The following KHDRBS2 variants were observed in gnomAD, a reference collection of about 807,000 sequenced individuals.
KHDRBS2 encodes KH RNA binding domain containing, signal transduction associated 2, also known as KH domain-containing, RNA-binding, signal transduction-associated protein 2.
A neutral mutation model predicts 44.3 loss-of-function variants in KHDRBS2; 26 were observed. That is an observed-to-expected ratio of 0.59 (90% CI 0.43 to 0.81). The LOEUF is 0.81. Among genes scored for constraint, KHDRBS2 ranks in the 40% least tolerant of loss-of-function variants. The probability of loss-of-function intolerance (pLI) is 0.00; values close to 1 mark genes in which losing one functional copy is unlikely to be tolerated. For synonymous variants in KHDRBS2, 194 were observed against 151.1 expected (o/e 1.28, Z -2.08); for missense variants, 476 against 433.1 (o/e 1.10, Z -0.88).
chr6:62,143,996 C>G (rs1813407513), intron 2 of KHDRBS2, among the ~76,000 whole-genome samples: 1 of 151,916 alleles, frequency 6.6e-6, no homozygotes, highest in South Asian at 2.1e-4. Flanking sequence ...TAAGCCCACT[C>G]TCTATCTCAT....
At chr6:62,230,738 A>C (rs564033393) in intron 1 of KHDRBS2, among the ~76,000 whole-genome samples, 3 of 152,222 alleles carry the variant, frequency 2.0e-5, no homozygotes, top group African/African-American at 7.2e-5. Context: ...TTCACAGGGC[A>C]ATTAAAAATC....
intron 6 of KHDRBS2, among the ~76,000 whole-genome samples, chr6:61,858,371 C>A (rs976898719): frequency 8.6e-5 from 13 of 151,434 alleles, no homozygotes; most frequent in African/African-American, 3.2e-4. Flanking sequence ...TCTGTTTTTA[C>A]CAAGTAAGCA....
intron 7 of KHDRBS2, among the ~76,000 whole-genome samples, chr6:61,708,199 T>C (rs987058346): frequency 6.6e-6 from 1 of 151,628 alleles, no homozygotes; most frequent in African/African-American, 2.4e-5. Context: ...TACATTCACA[T>C]TGTTATGAAA....
chr6:62,004,847 G>A (rs1483556829), intron 3 of KHDRBS2, among the ~76,000 whole-genome samples: 1 of 151,958 alleles, frequency 6.6e-6, no homozygotes, highest in East Asian at 1.9e-4. Context: ...TGGGATTAAA[G>A]GCTGGTTCAA....
At chr6:62,065,245 A>G (rs1793293702) in intron 2 of KHDRBS2, among the ~76,000 whole-genome samples, 3 of 152,206 alleles carry the variant, frequency 2.0e-5, no homozygotes, top group Non-Finnish European at 4.4e-5. Context: ...GGGATCTAGA[A>G]CTACAAATAC....
At chr6:61,841,380 T>G (rs1793578470) in intron 6 of KHDRBS2, among the ~76,000 whole-genome samples, 2 of 151,832 alleles carry the variant, frequency 1.3e-5, no homozygotes, top group African/African-American at 4.9e-5. Context: ...CATAAAATAA[T>G]TCAACTTGAA....
intron 1 of KHDRBS2, among the ~76,000 whole-genome samples, chr6:62,273,275 C>G (rs1382984310): frequency 6.6e-6 from 1 of 152,270 alleles, no homozygotes; most frequent in African/African-American, 2.4e-5. Flanking sequence ...AGTCAAAGTT[C>G]TTCAGTGAGT....
At chr6:61,801,053 C>A (rs1374196209) in intron 6 of KHDRBS2, among the ~76,000 whole-genome samples, 1 of 152,140 alleles carries the variant, frequency 6.6e-6, no homozygotes, top group Non-Finnish European at 1.5e-5. Flanking sequence ...ATAACAGGAG[C>A]AATAACAACA....
At chr6:62,137,851 A>C (rs144791682) in intron 2 of KHDRBS2, among the ~76,000 whole-genome samples, 95 of 152,314 alleles carry the variant, frequency 6.2e-4, no homozygotes, top group African/African-American at 2.2e-3. Flanking sequence ...ATCCCAGTTC[A>C]TATTCTGGTG....
chr6:61,555,601 G>C, the KHDRBS2 span, among the ~76,000 whole-genome samples: 2 of 152,220 alleles, frequency 1.3e-5, no homozygotes, highest in Non-Finnish European at 2.9e-5. Context: ...TGAGTTGCCA[G>C]AGTTCTTGCA....
the KHDRBS2 span, among the ~76,000 whole-genome samples, chr6:61,600,741 C>G: frequency 2.6e-5 from 4 of 152,138 alleles, no homozygotes; most frequent in African/African-American, 9.7e-5. Context: ...GGTCCTTAGA[C>G]TAACCAGCCC....
At chr6:61,591,995 C>G in the KHDRBS2 span, among the ~76,000 whole-genome samples, 3 of 151,786 alleles carry the variant, frequency 2.0e-5, no homozygotes, top group African/African-American at 7.3e-5. Context: ...TCAAGAACAG[C>G]CTGGGTAACA....
intron 2 of KHDRBS2, among the ~76,000 whole-genome samples, chr6:62,094,052 G>A (rs542095691): frequency 3.3e-5 from 5 of 151,916 alleles, no homozygotes; most frequent in Admixed American, 2.6e-4. Flanking sequence ...CCAGTAGCGG[G>A]ATTGCTAGAC....
intron 6 of KHDRBS2, chr6:61,814,043 C>T (rs1376366061): frequency 1.1e-5 from 5 of 455,714 alleles, no homozygotes; most frequent in Admixed American, 7.1e-5. Flanking sequence ...TGAAATAAAG[C>T]AACATATTTA....
chr6:61,609,610 T>C, the KHDRBS2 span, among the ~76,000 whole-genome samples: 1,442 of 152,328 alleles, frequency 9.5e-3, 29 homozygotes, highest in African/African-American at 0.033. Context: ...ATTCTACCAT[T>C]TTCTAAAATC....
intron 2 of KHDRBS2, among the ~76,000 whole-genome samples, chr6:62,063,959 A>G (rs1202249322): frequency 6.7e-6 from 1 of 148,448 alleles, no homozygotes; most frequent in African/African-American, 2.5e-5. Flanking sequence ...AATGTACAAA[A>G]ATCACAAGCG....
rs140378586 is a variant in KHDRBS2, at chr6:62,220,653, T to C, written c.92-43341A>G. On this transcript the variant is annotated intron_variant, in intron 1 of 8. Coordinates refer to ENST00000281156, the MANE Select transcript of KHDRBS2 (RefSeq NM_152688.4). ...TTATCATTCAACATTAGAAATTACA[T>C]ATTGTAATTTCTAGGGCAATGAATG... Among the ~76,000 whole-genome samples, 1,290 of 151,830 alleles carry C rather than the reference T, an allele frequency of 8.5e-3. 16 individuals carry two copies. The highest frequency in any genetic ancestry group is 0.029 in the African/African-American group (1,199 of 41,492).
rs1424054228 is a variant in KHDRBS2 at position 62,246,099 on chromosome 6, A to ATT, written c.91+39757_91+39758dup. On this transcript the variant is annotated intron_variant, in intron 1 of 8. Transcript: ENST00000281156. Reference sequence around the variant, plus strand: ...CAGCATAGAAACATTAATTCAATCAATTTTATATATATATATATATATATA... The same window carrying ATT: ...CAGCATAGAAACATTAATTCAATCAATTTTTTATATATATATATATATATATA... 4.4e-3 allele frequency among the ~76,000 whole-genome samples: 287 copies of ATT among 64,692 alleles called. 1 individual carries two copies. The highest frequency in any genetic ancestry group is 0.016 in the African/African-American group (260 of 16,748). The allele number at this position is 64,692 out of a possible 152,430, so 42.4% of individuals were successfully genotyped here.
chr6:61,561,333 C>G, the KHDRBS2 span, among the ~76,000 whole-genome samples: 2 of 152,128 alleles, frequency 1.3e-5, no homozygotes, highest in African/African-American at 4.8e-5. Flanking sequence ...TATTACAGTA[C>G]TGAATCTTAC....
Sources: gnomAD v4.1 joint callset for allele counts (sites outside exome capture counted in the v4.1 genomes callset) on GRCh38, gnomAD v4.1.1 for gene constraint, MANE v1.5 for transcripts, NCBI Gene and HGNC (gene_info 2026-07-23, HGNC 2026-07-21) for gene names.